SLC66A1: variants seen among roughly 807,000 people sequenced by gnomAD.
SLC66A1 encodes lysosomal amino acid transporter 1 homolog.
SLC66A1 carries 23 observed loss-of-function variants against 33.0 expected under a neutral mutation model. The observed-to-expected ratio is 0.70, with a 90% confidence interval of 0.50 to 0.99. SLC66A1 has a LOEUF of 0.99. Ranked by LOEUF, SLC66A1 falls within the 50% of genes least tolerant of loss-of-function variation. The pLI is 0.00. For missense variants in SLC66A1, 335 were observed against 383.6 expected (o/e 0.87, Z 1.06); for synonymous variants, 164 against 175.5 (o/e 0.93, Z 0.52).
intron 1 of SLC66A1, among the ~76,000 whole-genome samples, chr1:19,315,605 A>G (rs1329017443): frequency 6.6e-6 from 1 of 152,218 alleles, no homozygotes; most frequent in Non-Finnish European, 1.5e-5. Context: ...GAATGAAGGC[A>G]GCTAGAGACA....
rs1472435408 is a variant in SLC66A1, at chr1:19,319,603, A to ATTTTT, written c.164+1763_164+1764insTTTTT. On this transcript the variant is annotated intron_variant, in intron 2 of 7. Transcript: ENST00000375153. Reference sequence around the variant, plus strand: ...ATGATTAATGTTGCTGTGCACATTCATGTTTTTTTTTTTTTTTTGCCTGGT... The same window carrying ATTTTT: ...ATGATTAATGTTGCTGTGCACATTCATTTTTTGTTTTTTTTTTTTTTTTGCCTGGT... Among the ~76,000 whole-genome samples, 12 of 51,052 alleles carry ATTTTT rather than the reference A, an allele frequency of 2.4e-4. No individual in the cohort carries two copies. The South Asian group carries it at 3.0e-3, about 13-fold the overall frequency. 33.5% of individuals were successfully genotyped at this position (51,052 alleles called of 152,430 possible).
rs183325271 is a variant in SLC66A1, at chr1:19,325,996, C to T, written c.383-249C>T. 2.4e-3 allele frequency among the ~76,000 whole-genome samples: 363 copies of T among 152,348 alleles called. 1 individual carries two copies. Among genetic ancestry groups the T allele is most frequent in the South Asian group, 0.014 (70 of 4,834 alleles). On this transcript the variant is annotated intron_variant, in intron 4 of 7. Transcript: ENST00000375153. The stretch of plus-strand genomic sequence containing the variant: ...GAGGGACCTGGGGAGGAAGTTGTCT[C>T]ATCAGCGTTCCTGCTTCGTGTAACC...
Position 19,324,718 on chromosome 1 carries a change from T to G in SLC66A1, c.250T>G (p.Cys84Gly), listed in dbSNP as rs1036473789. The change falls in exon 3 of 8, where the codon TGC becomes GGC. Residue 84 changes from cysteine (C) to glycine (G), a missense_variant. Cys to Gly is a radical substitution (Grantham distance 159, BLOSUM62 -3). Transcript: ENST00000375153. ...CCTGGGCTGGATTGGCGGAGACTCCTGCAACCTCATCGGCTCCTTCCTTGC... is the reference window on the plus strand; with the variant it reads ...CCTGGGCTGGATTGGCGGAGACTCCGGCAACCTCATCGGCTCCTTCCTTGC... ...FLLGWIGGDSCNLIGSFLADQ... is the reference protein window; with the variant it reads ...FLLGWIGGDSGNLIGSFLADQ... 1 of 1,614,102 alleles carries G rather than the reference T, an allele frequency of 6.2e-7. No individual in the cohort carries two copies. Among genetic ancestry groups the G allele is most frequent in the African/African-American group, 1.3e-5 (1 of 74,946 alleles).
downstream of SLC66A1, among the ~76,000 whole-genome samples, chr1:19,332,186 T>G (rs894607953): frequency 6.6e-6 from 1 of 152,194 alleles, no homozygotes; most frequent in African/African-American, 2.4e-5. Flanking sequence ...GACATTCTGA[T>G]GCTGGAGGCA....
At chr1:19,331,188 T>A (rs957510216), downstream of SLC66A1, among the ~76,000 whole-genome samples, 3 of 152,176 alleles carry the variant, frequency 2.0e-5, no homozygotes, top group Admixed American at 6.5e-5. Context: ...ATTTTTGTAT[T>A]TTTAGTAGAG....
At position 19,317,851 on chromosome 1, in the gene SLC66A1, G is replaced by T; in HGVS notation, c.164+10G>T. On this transcript the variant is annotated intron_variant, in intron 2 of 7. Coordinates refer to ENST00000375153, the MANE Select transcript of SLC66A1 (RefSeq NM_001040125.2). ...CTGCATCTACCTTCCCGTGAGTAGT[G>T]TCTTGGTGGCAGGACCAGGGCAGGG... 6.2e-7 allele frequency: 1 copy of T among 1,612,008 alleles called. No homozygotes were observed. The highest frequency in any genetic ancestry group is 8.5e-7 in the Non-Finnish European group (1 of 1,178,568).
rs760054321 is a variant in SLC66A1, at chr1:19,327,221, C to G, written c.619-6C>G. On this transcript the variant is annotated splice_region_variant and splice_polypyrimidine_tract_variant and intron_variant, in intron 6 of 7. Transcript: ENST00000375153. ...AGGTCTCTGACCTGACCTCCTCCTG[C>G]CCCAGTTCCTCCGGAAGTCCACCCA... The G allele has an allele frequency of 6.2e-7, 1 of 1,612,018 alleles. No individual in the cohort carries two copies. Among genetic ancestry groups the G allele is most frequent in the Non-Finnish European group, 8.5e-7 (1 of 1,178,484 alleles).
chr1:19,318,062 T>TA (rs1196883885), intron 2 of SLC66A1, among the ~76,000 whole-genome samples: 6 of 152,204 alleles, frequency 3.9e-5, no homozygotes, highest in Admixed American at 3.3e-4. Flanking sequence ...AACAGTTTAT[T>TA]GAGTGCCCAC....
At chr1:19,333,590 C>T (rs537422583), downstream of SLC66A1, among the ~76,000 whole-genome samples, 8 of 152,262 alleles carry the variant, frequency 5.3e-5, no homozygotes, top group South Asian at 2.1e-4. This position sits in a 1 kb window ranked among gnomAD's most constrained non-coding sequence, Gnocchi z 4.2. Flanking sequence ...AGCTGAATGA[C>T]GGGACCCCAG....
rs376659268 is a variant in SLC66A1 at position 19,317,773 on chromosome 1, C to T, written c.96C>T (p.Asp32=). The change falls in exon 2 of 8, where the codon GAC becomes GAT. Residue 32 remains aspartate (D), a synonymous_variant. Coordinates refer to ENST00000375153, the MANE Select transcript of SLC66A1 (RefSeq NM_001040125.2). ...IWDVLGECAQ[D]GWDEASVGLG... is the part of the protein sequence containing the mutation. ...ATGTGTTGGGTGAATGTGCCCAGGA[C>T]GGCTGGGACGAGGCCAGCGTGGGCC... is the stretch of plus-strand genomic sequence containing the variant. 32 of 1,614,044 alleles carry T rather than the reference C, an allele frequency of 2.0e-5. No homozygotes were observed. Among genetic ancestry groups the T allele is most frequent in the South Asian group, 1.2e-4 (11 of 91,082 alleles).
In SLC66A1 at chr1:19,326,350, G is replaced by T. The variant is rs773199752; in HGVS notation, c.488G>T (p.Arg163Leu). The change falls in exon 5 of 8, where the codon CGG becomes CTG. Residue 163 changes from arginine to leucine, a missense_variant. Arg to Leu is a moderately radical substitution (Grantham distance 102, BLOSUM62 -2). Coordinates refer to ENST00000375153, the MANE Select transcript of SLC66A1 (RefSeq NM_001040125.2). ...GTGGCTGCCCCTAGGGAAGCCTTCC[G>T]GGGGCGGGCGCTCCTGTCCGTGGAG... The part of the protein sequence containing the change: ...GPVAAPREAF[R>L]GRALLSVESG... 3 of 1,606,156 alleles carry T rather than the reference G, an allele frequency of 1.9e-6. No homozygotes were observed. Among genetic ancestry groups the T allele is most frequent in the Non-Finnish European group, 1.7e-6 (2 of 1,179,294 alleles).
intron 2 of SLC66A1, among the ~76,000 whole-genome samples, chr1:19,320,412 C>CTTTTTT (rs34520375): frequency 1.5e-4 from 15 of 98,630 alleles, no homozygotes; most frequent in African/African-American, 5.0e-4. Flanking sequence ...GGTGGCCTGT[C>CTTTTTT]TTTTTTTTTT....
chr1:19,318,345 G>A (rs940247806), intron 2 of SLC66A1, among the ~76,000 whole-genome samples: 4 of 152,206 alleles, frequency 2.6e-5, no homozygotes, highest in Admixed American at 2.0e-4. Context: ...ACATTGTGTG[G>A]CCGCTGCCAT....
chr1:19,330,838 C>T (rs749477599), downstream of SLC66A1, among the ~76,000 whole-genome samples: 7 of 152,158 alleles, frequency 4.6e-5, no homozygotes, highest in Non-Finnish European at 8.8e-5. Context: ...CTCTGAGACC[C>T]AGGTGGGCAG....
intron 2 of SLC66A1, among the ~76,000 whole-genome samples, chr1:19,323,206 G>A (rs530860907): frequency 1.1e-4 from 17 of 152,208 alleles, no homozygotes; most frequent in Non-Finnish European, 2.1e-4. Context: ...ATAGGCATAA[G>A]CCACTGCTTC....
At chr1:19,315,413 C>G (rs970376519) in intron 1 of SLC66A1, among the ~76,000 whole-genome samples, 3 of 152,224 alleles carry the variant, frequency 2.0e-5, no homozygotes, top group Non-Finnish European at 4.4e-5. Flanking sequence ...GCACCCTTAC[C>G]TTTAGGTCCA....
chr1:19,326,289 G>C lies in SLC66A1; in HGVS notation c.427G>C (p.Ala143Pro). The C allele has an allele frequency of 6.2e-7, 1 of 1,606,918 alleles. No individual in the cohort carries two copies. Among genetic ancestry groups the C allele is most frequent in the Non-Finnish European group, 8.5e-7 (1 of 1,179,908 alleles). The change falls in exon 5 of 8, where the codon GCG becomes CCG. Residue 143 changes from alanine (A) to proline (P), a missense_variant. Physicochemically the swap from Ala to Pro is conservative, Grantham distance 27 (BLOSUM62 -1). Transcript: ENST00000375153. ...CGTGCTGTTGTTCCTCATGGGGATG[G>C]CGTGCGCCACACCGCTGCTGAGTGC... ...NSVLLFLMGM[A>P]CATPLLSAAG...
At position 19,327,671 on chromosome 1, in the gene SLC66A1, C is replaced by T. The variant is rs560122839; in HGVS notation, c.804+259C>T. 90 of 676,236 alleles carry T rather than the reference C, an allele frequency of 1.3e-4. 1 individual carries two copies. The highest frequency in any genetic ancestry group is 1.2e-3 in the African/African-American group (70 of 56,578). 41.9% of individuals were successfully genotyped at this position (676,236 alleles called of 1,614,324 possible). On this transcript the variant is annotated intron_variant, in intron 7 of 7. Transcript: ENST00000375153. ...CCCAGAAGCTTACAGCCCAGCGGGG[C>T]GCAGAGAGGACACAACGCTATCATC...
At chr1:19,324,806 T>C (rs41264071) in intron 3 of SLC66A1, 44 bp downstream of exon 3, 437,457 of 1,605,500 alleles carry the variant, frequency 0.27, 62,441 homozygotes, top group South Asian at 0.32. Flanking sequence ...CTAACCCTGC[T>C]TCACCCTGCA....
Sources: gnomAD v4.1 joint callset for allele counts (sites outside exome capture counted in the v4.1 genomes callset) on GRCh38, gnomAD v4.1.1 for gene constraint, Gnocchi (gnomAD v3.1) non-coding constraint, MANE v1.5 for transcripts, NCBI Gene and HGNC (gene_info 2026-07-23, HGNC 2026-07-21) for gene names.